RFX7: variants seen among roughly 807,000 people sequenced by gnomAD.
RFX7 encodes DNA-binding protein RFX7.
A neutral mutation model predicts 111.8 loss-of-function variants in RFX7; 26 were observed. The ratio of observed to expected loss-of-function variants is 0.23; its 90% confidence interval spans 0.17 to 0.32. The LOEUF (loss-of-function observed/expected upper bound fraction) is 0.32, where lower values mean the gene tolerates loss of function less well. Among genes scored for constraint, RFX7 ranks in the 10% least tolerant of loss-of-function variants. The pLI is 1.00. For synonymous variants in RFX7, 624 were observed against 624.4 expected (o/e 1.00, Z 0.01); for missense variants, 1,573 against 1,772.9 (o/e 0.89, Z 2.02).
chr15:56,103,500 C>T (rs1270683070), intron 6 of RFX7, 54 bp downstream of exon 6: 3 of 1,146,342 alleles, frequency 2.6e-6, no homozygotes, highest in African/African-American at 1.5e-5. Flanking sequence ...AATAGATGTT[C>T]TATAACAAGT....
At chr15:56,209,456 G>A (rs1481051336) in intron 2 of RFX7, among the ~76,000 whole-genome samples, 3 of 151,984 alleles carry the variant, frequency 2.0e-5, no homozygotes, top group Non-Finnish European at 4.4e-5. Flanking sequence ...AAATAATAAA[G>A]GTCAAAATGC....
At chr15:56,209,431 C>G (rs1393346703) in intron 2 of RFX7, among the ~76,000 whole-genome samples, 1 of 151,926 alleles carries the variant, frequency 6.6e-6, no homozygotes, top group Non-Finnish European at 1.5e-5. Flanking sequence ...AAAAGGAATT[C>G]TTTAGAGAGA....
At chr15:56,150,995 C>T (rs139279370) in intron 3 of RFX7, among the ~76,000 whole-genome samples, 19 of 150,046 alleles carry the variant, frequency 1.3e-4, no homozygotes, top group Admixed American at 9.3e-4. Flanking sequence ...TGAAATAAAG[C>T]GAGAAGACAA....
At chr15:56,146,202 A>T (rs967201307) in intron 3 of RFX7, among the ~76,000 whole-genome samples, 8 of 152,210 alleles carry the variant, frequency 5.3e-5, no homozygotes, top group African/African-American at 1.9e-4. Context: ...GGCTCAACTG[A>T]TCATCCCACC....
At chr15:56,137,864 C>T (rs1476629980) in intron 5 of RFX7, among the ~76,000 whole-genome samples, 2 of 151,986 alleles carry the variant, frequency 1.3e-5, no homozygotes, top group East Asian at 1.9e-4. Flanking sequence ...GCCTTCATTT[C>T]ATTATGTACC....
intron 5 of RFX7, among the ~76,000 whole-genome samples, chr15:56,108,077 C>CA (rs1215075552): frequency 2.6e-5 from 4 of 152,068 alleles, no homozygotes; most frequent in African/African-American, 9.6e-5. Context: ...GCCTACCAAC[C>CA]AAAAAAAGCC....
chr15:56,201,400 GA>G (rs2043191861), intron 2 of RFX7, among the ~76,000 whole-genome samples: 1 of 152,154 alleles, frequency 6.6e-6, no homozygotes, highest in East Asian at 1.9e-4. Context: ...GGCAGTAATA[GA>G]ACCAAAGGAA....
intron 5 of RFX7, among the ~76,000 whole-genome samples, chr15:56,117,523 T>C (rs1156284949): frequency 3.3e-5 from 5 of 152,162 alleles, no homozygotes; most frequent in Admixed American, 6.5e-5. Context: ...TCCGCACTAC[T>C]TGAAAGTATA....
At chr15:56,176,384 A>G (rs1327676588) in intron 3 of RFX7, among the ~76,000 whole-genome samples, 1 of 152,200 alleles carries the variant, frequency 6.6e-6, no homozygotes, top group Non-Finnish European at 1.5e-5. Flanking sequence ...GTTAAAAGTC[A>G]GAGAGACAGG....
chr15:56,122,422 G>T (rs1238900125), intron 5 of RFX7, among the ~76,000 whole-genome samples: 1 of 152,142 alleles, frequency 6.6e-6, no homozygotes, highest in Non-Finnish European at 1.5e-5. Flanking sequence ...TGGAGCTGGG[G>T]GAGTGGTGAC....
chr15:56,221,271 T>G (rs778865948), intron 2 of RFX7, among the ~76,000 whole-genome samples: 1 of 152,248 alleles, frequency 6.6e-6, no homozygotes, highest in Non-Finnish European at 1.5e-5. Context: ...CCTTGGGCAG[T>G]ATGGCCTTTT....
At chr15:56,148,532 G>A (rs1243097973) in intron 3 of RFX7, among the ~76,000 whole-genome samples, 1 of 152,158 alleles carries the variant, frequency 6.6e-6, no homozygotes, top group Non-Finnish European at 1.5e-5. Context: ...GGTGGACTTT[G>A]GTGTTTGAAT....
intron 2 of RFX7, among the ~76,000 whole-genome samples, chr15:56,202,312 T>G (rs1290544616): frequency 6.6e-6 from 1 of 152,226 alleles, no homozygotes; most frequent in East Asian, 1.9e-4. Context: ...ATTAACATTT[T>G]GATATGCAAT....
At position 56,141,656 on chromosome 15, in the gene RFX7, A is replaced by ACTATAT. The variant is rs1555421058; in HGVS notation, c.401+1121_401+1122insATATAG. Among the ~76,000 whole-genome samples the ACTATAT allele has an allele frequency of 5.5e-4, 46 of 83,184 alleles. 3 individuals carry two copies. Among genetic ancestry groups the ACTATAT allele is most frequent in the East Asian group, 2.0e-3 (6 of 2,928 alleles). 54.6% of individuals were successfully genotyped at this position (83,184 alleles called of 152,430 possible). ...TAATGAAGAATCTATGCTTACTCTAAATATATATATATATATATATGCATA... is the reference window on the plus strand; with the variant it reads ...TAATGAAGAATCTATGCTTACTCTAACTATATATATATATATATATATATATGCATA... On this transcript the variant is annotated intron_variant, in intron 5 of 9. Transcript: ENST00000559447.
At chr15:56,141,663 A>C (rs1449757064) in intron 5 of RFX7, among the ~76,000 whole-genome samples, 3 of 128,584 alleles carry the variant, frequency 2.3e-5, no homozygotes, top group South Asian at 2.4e-4. Context: ...CTAAATATAT[A>C]TATATATATA....
intron 2 of RFX7, among the ~76,000 whole-genome samples, chr15:56,211,371 C>T (rs879301441): frequency 4.6e-5 from 7 of 152,066 alleles, no homozygotes; most frequent in Non-Finnish European, 8.8e-5. Context: ...AACAAAAACA[C>T]TAGAGACAGA....
chr15:56,243,904 A>G (rs2043765301), upstream of RFX7: 1 of 149,060 alleles, frequency 6.7e-6, no homozygotes, highest in East Asian at 2.0e-4. Flanking sequence ...CGCAGACCGC[A>G]CAACACCTAC....
At chr15:56,141,655 A>AG (rs1173393668) in intron 5 of RFX7, among the ~76,000 whole-genome samples, 1 of 113,002 alleles carries the variant, frequency 8.8e-6, no homozygotes, top group African/African-American at 4.1e-5. Flanking sequence ...TGCTTACTCT[A>AG]AATATATATA....
rs1183792352 is a variant in RFX7, at chr15:56,092,054, C to T, written c.*1291G>A. ...TTTCAACCAGTGAGTAGGTTTGTGTCAACATGCAACTCATAAATAATTATT... is the reference window on the plus strand; with the variant it reads ...TTTCAACCAGTGAGTAGGTTTGTGTTAACATGCAACTCATAAATAATTATT... On this transcript the variant is annotated 3_prime_UTR_variant, in exon 10 of 10. Transcript: ENST00000559447. The T allele has an allele frequency of 6.6e-6, 1 of 152,396 alleles. No individual in the cohort carries two copies. Among genetic ancestry groups the T allele is most frequent in the African/African-American group, 2.4e-5 (1 of 41,438 alleles). 9.4% of individuals were successfully genotyped at this position (152,396 alleles called of 1,614,324 possible). A position where few individuals can be genotyped will look rare whatever the true frequency, so the allele number is the denominator to read the frequency against.
Sources: gnomAD v4.1 joint callset for allele counts (sites outside exome capture counted in the v4.1 genomes callset) on GRCh38, gnomAD v4.1.1 for gene constraint, MANE v1.5 for transcripts, NCBI Gene and HGNC (gene_info 2026-07-23, HGNC 2026-07-21) for gene names.